PHF3: variants seen among roughly 807,000 people sequenced by gnomAD.
The protein encoded by PHF3 is PHD finger protein 3.
Under a neutral mutation model 178.4 loss-of-function variants are expected in PHF3, and 41 were observed. The observed-to-expected ratio is 0.23, with a 90% CI of 0.18 to 0.30. PHF3 has a LOEUF of 0.30. Ranked by LOEUF, PHF3 falls within the 10% of genes least tolerant of loss-of-function variation. The pLI, the probability that PHF3 is intolerant of heterozygous loss-of-function variation, is 1.00. For synonymous variants in PHF3, 842 were observed against 800.5 expected, an observed-to-expected ratio of 1.05 and a Z score of -0.88; for missense variants, 2,346 against 2,398.1, an observed-to-expected ratio of 0.98 and a Z score of 0.45.
chr6:63,670,271 T>C (rs1268974902), intron 2 of PHF3, among the ~76,000 whole-genome samples: 2 of 152,094 alleles, frequency 1.3e-5, no homozygotes, highest in Non-Finnish European at 2.9e-5. Flanking sequence ...TGTTTTTTTG[T>C]TTTTTTGCTT....
chr6:63,635,960 G>A lies in PHF3; in HGVS notation c.-216G>A, dbSNP rs1764310393. The stretch of plus-strand genomic sequence containing the variant: ...CGAGGATTAGGAGGGCGGCGCGGAA[G>A]CCAAGAATAGTGTCGTCAGCAGCAG... On this transcript the variant is annotated 5_prime_UTR_variant, in exon 1 of 16. Transcript: ENST00000262043. 1 of 398,046 alleles carries A rather than the reference G, an allele frequency of 2.5e-6. No homozygotes were observed. Among genetic ancestry groups the A allele is most frequent in the Admixed American group, 4.4e-5 (1 of 22,694 alleles). The allele number at this position is 398,046 out of a possible 1,614,324, so 24.7% of individuals were successfully genotyped here.
At chr6:63,700,301 A>G (rs773374210) in intron 8 of PHF3, 49 bp from the exon 9 acceptor site, 3 of 808,586 alleles carry the variant, frequency 3.7e-6, no homozygotes, top group Non-Finnish European at 4.1e-6. Context: ...TGTAGTAGCC[A>G]CTCAAAATGT....
intron 4 of PHF3, among the ~76,000 whole-genome samples, chr6:63,687,255 C>A (rs538903066): frequency 6.6e-6 from 1 of 152,166 alleles, no homozygotes; most frequent in Non-Finnish European, 1.5e-5. Context: ...GAAACCCCGT[C>A]TCTACTAAAA....
intron 2 of PHF3, chr6:63,678,809 T>C (rs889286677): frequency 4.4e-6 from 2 of 450,392 alleles, no homozygotes; most frequent in African/African-American, 4.0e-5. Flanking sequence ...TGAAGAATTT[T>C]GTTCTCTTTA....
intron 2 of PHF3, among the ~76,000 whole-genome samples, chr6:63,670,327 G>C (rs778141363): frequency 6.6e-6 from 1 of 152,146 alleles, no homozygotes; most frequent in Non-Finnish European, 1.5e-5. Flanking sequence ...GGACTGCAGT[G>C]GCGCTATCTC....
chr6:63,693,353 C>T (rs1272544128), intron 5 of PHF3, among the ~76,000 whole-genome samples: 1 of 152,176 alleles, frequency 6.6e-6, no homozygotes, highest in African/African-American at 2.4e-5. Context: ...CAGTGGCTCA[C>T]ACCTGTAATC....
At chr6:63,670,232 A>G (rs1047431787) in intron 2 of PHF3, among the ~76,000 whole-genome samples, 1 of 152,004 alleles carries the variant, frequency 6.6e-6, no homozygotes, top group Admixed American at 6.6e-5. Flanking sequence ...GGGTTAGTCA[A>G]CACTATGTGA....
chr6:63,713,790 G>A lies in PHF3; in HGVS notation c.*82G>A, dbSNP rs1582132059. The A allele has an allele frequency of 1.7e-6, 2 of 1,198,890 alleles. No homozygotes were observed. Among genetic ancestry groups the A allele is most frequent in the East Asian group, 2.6e-5 (1 of 38,964 alleles). 74.3% of individuals were successfully genotyped at this position (1,198,890 alleles called of 1,614,324 possible). A position where few individuals can be genotyped will look rare whatever the true frequency, so the allele number is the denominator to read the frequency against. On this transcript the variant is annotated 3_prime_UTR_variant, in exon 16 of 16. Coordinates refer to ENST00000262043, the MANE Select transcript of PHF3 (RefSeq NM_001370348.2). ...TAAACAAAAGAAAGATTGCCTGCTA[G>A]GATTGTGCCATCTTTAAAATTTTTA...
rs997538443 is a variant in PHF3, at chr6:63,725,077, T to G, written c.*11369T>G. The stretch of plus-strand genomic sequence containing the variant: ...CTTTCATCTGATAATTGTTTTTGGT[T>G]AATCTAGGTTTAAGCATGTAGAACT... On this transcript the variant is annotated 3_prime_UTR_variant, in exon 16 of 16. Transcript: ENST00000262043. 6.6e-6 allele frequency among the ~76,000 whole-genome samples: 1 copy of G among 152,160 alleles called. No individual in the cohort carries two copies. The highest frequency in any genetic ancestry group is 1.5e-5 in the Non-Finnish European group (1 of 67,990).
chr6:63,716,770 C>T lies in PHF3; in HGVS notation c.*3062C>T, dbSNP rs1768203297. 6.6e-6 allele frequency among the ~76,000 whole-genome samples: 1 copy of T among 151,572 alleles called. No individual in the cohort carries two copies. The highest frequency in any genetic ancestry group is 2.1e-4 in the South Asian group (1 of 4,792). The stretch of plus-strand genomic sequence containing the variant: ...CATATTTGAAGCCAGCAGTGTGGGA[C>T]CCAGTCTTTCTCTAGTATCTCTGAC... On this transcript the variant is annotated 3_prime_UTR_variant, in exon 16 of 16. Transcript: ENST00000262043.
At chr6:63,667,872 G>A (rs1295116575) in intron 2 of PHF3, among the ~76,000 whole-genome samples, 1 of 152,174 alleles carries the variant, frequency 6.6e-6, no homozygotes, top group East Asian at 1.9e-4. Context: ...CATAGGTGAA[G>A]CTGTATAATG....
chr6:63,705,025 A>G (rs918942809), intron 11 of PHF3, among the ~76,000 whole-genome samples: 4 of 152,154 alleles, frequency 2.6e-5, no homozygotes, highest in Non-Finnish European at 5.9e-5. Flanking sequence ...TCCTGATGAC[A>G]TATGTGGAGC....
At chr6:63,677,516 T>A (rs1235629898) in intron 2 of PHF3, among the ~76,000 whole-genome samples, 1 of 152,202 alleles carries the variant, frequency 6.6e-6, no homozygotes, top group African/African-American at 2.4e-5. Context: ...AATTGACCTT[T>A]GGATTTGGCT....
At chr6:63,671,348 G>A (rs1419627611) in intron 2 of PHF3, among the ~76,000 whole-genome samples, 1 of 152,178 alleles carries the variant, frequency 6.6e-6, no homozygotes, top group Non-Finnish European at 1.5e-5. Context: ...TCATGGAGCC[G>A]GCAAGTATTA....
At chr6:63,702,837 T>G (rs1328429056) in intron 10 of PHF3, among the ~76,000 whole-genome samples, 198 bp downstream of exon 10, 1 of 152,204 alleles carries the variant, frequency 6.6e-6, no homozygotes, top group Non-Finnish European at 1.5e-5. Flanking sequence ...GTTGAACAGT[T>G]ATTACAGTGT....
At chr6:63,698,709 T>A in intron 8 of PHF3, 104 bp downstream of exon 8, 1 of 818,002 alleles carries the variant, frequency 1.2e-6, no homozygotes, top group Non-Finnish European at 1.8e-6. Flanking sequence ...TGGAGTGAGA[T>A]TATAATTTGC....
At chr6:63,674,802 C>T (rs1038436368) in intron 2 of PHF3, among the ~76,000 whole-genome samples, 2 of 152,056 alleles carry the variant, frequency 1.3e-5, no homozygotes, top group Non-Finnish European at 2.9e-5. Flanking sequence ...AGGAAATAAC[C>T]GACGTAGAAG....
rs547664030 is a variant in PHF3 at position 63,713,524 on chromosome 6, G to A, written c.5936G>A (p.Arg1979Gln). ...KERARLSHGD[R>Q]GTDGKASRDS... ...AGGGCACGGTTATCACATGGTGATCGAGGAACAGATGGAAAAGCAAGCAGA... is the reference window on the plus strand; with the variant it reads ...AGGGCACGGTTATCACATGGTGATCAAGGAACAGATGGAAAAGCAAGCAGA... The change falls in exon 16 of 16, where the codon CGA (arginine) becomes CAA (glutamine). Residue 1979 changes from arginine to glutamine, a missense_variant. Physicochemically the swap from Arg to Gln is conservative, Grantham distance 43 (BLOSUM62 1). Coordinates refer to ENST00000262043, the MANE Select transcript of PHF3 (RefSeq NM_001370348.2). The A allele has an allele frequency of 7.4e-6, 12 of 1,613,592 alleles. No individual in the cohort carries two copies. Among genetic ancestry groups the A allele is most frequent in the Admixed American group, 6.7e-5 (4 of 59,916 alleles).
At chr6:63,690,466 T>C (rs549898904) in intron 4 of PHF3, among the ~76,000 whole-genome samples, 173 of 152,260 alleles carry the variant, frequency 1.1e-3, no homozygotes, top group African/African-American at 4.0e-3. Flanking sequence ...ACTGTAAGGA[T>C]TGGAACTCAC....
Sources: gnomAD v4.1 joint callset for allele counts (sites outside exome capture counted in the v4.1 genomes callset) on GRCh38, gnomAD v4.1.1 for gene constraint, MANE v1.5 for transcripts, NCBI Gene and HGNC (gene_info 2026-07-23, HGNC 2026-07-21) for gene names.